Variants in SLC35F4 observed in about 807,000 individuals in gnomAD.
SLC35F4 encodes chromosome 14 open reading frame 36.
SLC35F4 carries 24 observed loss-of-function variants against 44.2 expected under a neutral mutation model. That is an observed-to-expected ratio of 0.54 (90% CI 0.39 to 0.76). The LOEUF (loss-of-function observed/expected upper bound fraction) is 0.76. SLC35F4 is among the 30% of genes least tolerant of loss of function. The pLI is 0.00. For missense variants in SLC35F4, 562 were observed against 586.1 expected, an observed-to-expected ratio of 0.96 and a Z score of 0.42; for synonymous variants, 238 against 223.6, an observed-to-expected ratio of 1.06 and a Z score of -0.57.
At chr14:57,695,438 C>G (rs921253614) in intron 1 of SLC35F4, among the ~76,000 whole-genome samples, 3 of 151,608 alleles carry the variant, frequency 2.0e-5, no homozygotes, top group Non-Finnish European at 4.4e-5. Context: ...CATCACTGGC[C>G]ATCAGAGAAA....
intron 1 of SLC35F4, among the ~76,000 whole-genome samples, chr14:57,676,778 A>G: frequency 6.6e-6 from 1 of 152,088 alleles, no homozygotes; most frequent in Non-Finnish European, 1.5e-5. Context: ...GTTGGCATGG[A>G]TGTGGTGAAA....
chr14:57,631,220 T>G (rs1031042680), intron 1 of SLC35F4: 2 of 152,104 alleles, frequency 1.3e-5, no homozygotes. Context: ...CCCCACTGTC[T>G]TAGGGAATTA....
chr14:57,653,854 C>T (rs892053607), intron 1 of SLC35F4, among the ~76,000 whole-genome samples: 13 of 152,144 alleles, frequency 8.5e-5, no homozygotes, highest in Non-Finnish European at 1.2e-4. Context: ...TGTATTGCCT[C>T]ACACTTCCAG....
rs574272765 is a variant in SLC35F4, at chr14:57,588,955, A to G, written c.587+261T>C. On this transcript the variant is annotated intron_variant, in intron 3 of 7. Transcript: ENST00000556826. ...TGTGTCCTCTTGTCTTAAAATGGGGATAACACCACCTTAAAATGTAAATGT... is the reference window on the plus strand; with the variant it reads ...TGTGTCCTCTTGTCTTAAAATGGGGGTAACACCACCTTAAAATGTAAATGT... 4.0e-5 allele frequency among the ~76,000 whole-genome samples: 6 copies of G among 150,380 alleles called. No homozygotes were observed. In the East Asian group the frequency reaches 1.2e-3, roughly 29 times the overall value.
At chr14:57,837,089 G>A (rs560526050) in intron 1 of SLC35F4, among the ~76,000 whole-genome samples, 1 of 152,248 alleles carries the variant, frequency 6.6e-6, no homozygotes, top group African/African-American at 2.4e-5. Flanking sequence ...TGTTACACTG[G>A]TCTTCCACTT....
At chr14:57,959,749 T>C (rs1449370241) in intron 1 of SLC35F4, among the ~76,000 whole-genome samples, 2 of 152,176 alleles carry the variant, frequency 1.3e-5, no homozygotes, top group East Asian at 3.8e-4. Flanking sequence ...ACCTACCTCA[T>C]ATATTTGTAG....
intron 1 of SLC35F4, among the ~76,000 whole-genome samples, chr14:57,801,211 T>C (rs1244379241): frequency 6.6e-6 from 1 of 152,200 alleles, no homozygotes; most frequent in African/African-American, 2.4e-5. Flanking sequence ...GGGACCAATA[T>C]TTAACATTCT....
intron 1 of SLC35F4, among the ~76,000 whole-genome samples, chr14:57,842,883 C>T (rs1885624766): frequency 6.6e-6 from 1 of 152,156 alleles, no homozygotes; most frequent in South Asian, 2.1e-4. Flanking sequence ...TGGGCACCAC[C>T]TAATCAGCTG....
chr14:57,880,731 G>A (rs1401434753), intron 1 of SLC35F4, among the ~76,000 whole-genome samples: 2 of 152,158 alleles, frequency 1.3e-5, no homozygotes, highest in African/African-American at 4.8e-5. Flanking sequence ...ATTGTCTGGA[G>A]ATCTCATTGA....
chr14:57,625,882 T>C (rs1246958225), intron 1 of SLC35F4, among the ~76,000 whole-genome samples: 1 of 152,210 alleles, frequency 6.6e-6, no homozygotes, highest in Non-Finnish European at 1.5e-5. Context: ...CGTATGTTTA[T>C]TGCGGCACTG....
intron 1 of SLC35F4, among the ~76,000 whole-genome samples, chr14:57,877,254 G>T (rs974111331): frequency 6.6e-6 from 1 of 152,130 alleles, no homozygotes; most frequent in Non-Finnish European, 1.5e-5. Context: ...GTAAGAACAT[G>T]CAGCATTTGG....
At position 57,569,776 on chromosome 14, in the gene SLC35F4, G is replaced by A. The variant is rs2297113; in HGVS notation, c.1126+12C>T. 400,839 of 1,572,876 alleles carry A rather than the reference G, an allele frequency of 0.25. 53,797 individuals carry two copies. The highest frequency in any genetic ancestry group is 0.35 in the Admixed American group (18,243 of 51,442). ...ATATAGGGAATGGAAGGCAAAACCC[G>A]AGGCCACTTACCCAGCCACAGCCCT... On this transcript the variant is annotated intron_variant, in intron 6 of 7. Transcript: ENST00000556826.
chr14:57,860,094 C>A (rs1887554081), intron 1 of SLC35F4, among the ~76,000 whole-genome samples: 1 of 152,064 alleles, frequency 6.6e-6, no homozygotes, highest in South Asian at 2.1e-4. Flanking sequence ...AGTGAGAGGA[C>A]ACAGCTGAAG....
intron 1 of SLC35F4, chr14:57,596,946 A>C (rs1740947407): frequency 2.3e-6 from 3 of 1,283,362 alleles, no homozygotes; most frequent in Non-Finnish European, 3.1e-6. Flanking sequence ...TTAAACTTCC[A>C]AGCCAGACCT....
intron 1 of SLC35F4, among the ~76,000 whole-genome samples, chr14:57,881,967 TGA>T (rs753175056): frequency 6.6e-5 from 10 of 152,304 alleles, no homozygotes; most frequent in South Asian, 2.1e-4. Context: ...TTGCATAATT[TGA>T]GAGAGCAGAG....
intron 1 of SLC35F4, among the ~76,000 whole-genome samples, chr14:57,812,767 T>C (rs1351187855): frequency 6.6e-6 from 1 of 151,970 alleles, no homozygotes; most frequent in African/African-American, 2.4e-5. Context: ...GTAAGAGCAA[T>C]GCCTTCTGAC....
intron 1 of SLC35F4, among the ~76,000 whole-genome samples, chr14:57,764,521 C>T (rs2077193588): frequency 6.6e-6 from 1 of 152,180 alleles, no homozygotes; most frequent in Non-Finnish European, 1.5e-5. Context: ...AAGTGGTTCC[C>T]AGCTTAAACT....
At chr14:57,746,748 G>T (rs2140538501) in intron 1 of SLC35F4, among the ~76,000 whole-genome samples, 1 of 152,274 alleles carries the variant, frequency 6.6e-6, no homozygotes, top group Admixed American at 6.6e-5. Flanking sequence ...GCCTTCAAAA[G>T]CTTTGTACAC....
chr14:57,949,275 T>A (rs1049532883), intron 1 of SLC35F4, among the ~76,000 whole-genome samples: 1 of 152,228 alleles, frequency 6.6e-6, no homozygotes, highest in African/African-American at 2.4e-5. Context: ...TTTGTCTTTA[T>A]ATAATGTTCC....
Sources: allele counts gnomAD v4.1 joint callset (sites outside exome capture counted in the v4.1 genomes callset), GRCh38; gene constraint gnomAD v4.1.1; transcripts MANE v1.5; gene names NCBI Gene and HGNC (gene_info 2026-07-23, HGNC 2026-07-21).